MARCHF3: variants seen among roughly 807,000 people sequenced by gnomAD.
MARCHF3 encodes the protein E3 ubiquitin-protein ligase MARCHF3.
A neutral mutation model predicts 24.2 loss-of-function variants in MARCHF3; 13 were observed. The observed-to-expected ratio is 0.54, with a 90% CI of 0.35 to 0.85. The LOEUF is 0.85. Ranked by LOEUF, MARCHF3 falls within the 40% of genes least tolerant of loss-of-function variation. MARCHF3 has a pLI of 0.01. For synonymous variants in MARCHF3, 144 were observed against 137.3 expected (o/e 1.05, Z -0.34); for missense variants, 276 against 325.0 (o/e 0.85, Z 1.16).
At chr5:126,967,200 A>ATTGATTGGT (rs1423792537) in intron 1 of MARCHF3, among the ~76,000 whole-genome samples, 1 of 151,956 alleles carries the variant, frequency 6.6e-6, no homozygotes, top group Non-Finnish European at 1.5e-5. Context: ...CAATCCAGCA[A>ATTGATTGGT]TTGATTGGTT....
In MARCHF3 at chr5:126,895,761, TTTTG is replaced by T. The variant is rs535137538; in HGVS notation, c.394-17371_394-17368del. Among the ~76,000 whole-genome samples, 186 of 152,222 alleles carry T rather than the reference TTTTG, an allele frequency of 1.2e-3. 2 individuals are homozygous for T. The highest frequency in any genetic ancestry group is 4.2e-3 in the African/African-American group (176 of 41,510). Reference sequence around the variant, plus strand: ...AAGTCTGCAGAGGTTACTGCTGTCTTTTTGTTTGTCTGTGCACTGCCCCCAGAGG... The same window carrying T: ...AAGTCTGCAGAGGTTACTGCTGTCTTTTTGTCTGTGCACTGCCCCCAGAGG... On this transcript the variant is annotated intron_variant, in intron 3 of 4. Coordinates refer to ENST00000308660, the MANE Select transcript of MARCHF3 (RefSeq NM_178450.5).
intron 1 of MARCHF3, among the ~76,000 whole-genome samples, chr5:126,991,151 AT>A (rs1561462766): frequency 6.6e-6 from 1 of 152,206 alleles, no homozygotes; most frequent in East Asian, 1.9e-4. Context: ...ACCAACCCAA[AT>A]GTCCATCAAT....
Position 126,872,268 on chromosome 5 carries a change from C to T in MARCHF3, c.604-1477G>A, listed in dbSNP as rs999542134. ...AGAGACAGGGTTTCTCCATGTTGGT[C>T]AGGCTGGTCTCGAACTCCCGACCTT... On this transcript the variant is annotated intron_variant, in intron 4 of 4. Coordinates refer to ENST00000308660, the MANE Select transcript of MARCHF3 (RefSeq NM_178450.5). Among the ~76,000 whole-genome samples the T allele has an allele frequency of 2.6e-5, 4 of 151,764 alleles. No homozygotes were observed. The East Asian group carries it at 7.7e-4, about 29-fold the overall frequency.
At chr5:127,027,232 A>G (rs1205959634) in intron 1 of MARCHF3, among the ~76,000 whole-genome samples, 1 of 152,218 alleles carries the variant, frequency 6.6e-6, no homozygotes, top group Non-Finnish European at 1.5e-5. Flanking sequence ...TTAATTGGGC[A>G]GCTCAAAATA....
intron 4 of MARCHF3, among the ~76,000 whole-genome samples, chr5:126,872,582 G>A (rs893800574): frequency 5.9e-5 from 9 of 152,024 alleles, no homozygotes; most frequent in Non-Finnish European, 1.3e-4. Flanking sequence ...TCCCACTAAA[G>A]GTCTATGGTG....
At chr5:126,975,047 C>T (rs1202831946) in intron 1 of MARCHF3, among the ~76,000 whole-genome samples, 1 of 152,212 alleles carries the variant, frequency 6.6e-6, no homozygotes, top group Non-Finnish European at 1.5e-5. Flanking sequence ...ACCTCCGCCT[C>T]CCAGGTTCAA....
At chr5:126,941,793 C>T (rs1749838577) in intron 1 of MARCHF3, among the ~76,000 whole-genome samples, 1 of 152,174 alleles carries the variant, frequency 6.6e-6, no homozygotes, top group Non-Finnish European at 1.5e-5. Context: ...TTGTTTCCAT[C>T]CAAACACTTG....
At chr5:126,925,105 G>A (rs541669696) in intron 1 of MARCHF3, among the ~76,000 whole-genome samples, 223 of 152,252 alleles carry the variant, frequency 1.5e-3, no homozygotes, top group Non-Finnish European at 2.9e-3. Context: ...TCATTGTCAC[G>A]CTTACAGGGC....
intron 4 of MARCHF3, among the ~76,000 whole-genome samples, chr5:126,875,680 G>T (rs1314847283): frequency 6.6e-6 from 1 of 151,888 alleles, no homozygotes; most frequent in East Asian, 2.0e-4. Context: ...ACCAGTCAAA[G>T]GGGGAGAGAT....
chr5:126,980,923 G>C (rs956731300), intron 1 of MARCHF3, among the ~76,000 whole-genome samples: 4 of 152,214 alleles, frequency 2.6e-5, no homozygotes, highest in Non-Finnish European at 5.9e-5. Context: ...TAGACTATCT[G>C]TGGATTTCCA....
At chr5:127,030,307 A>T (rs1753140752) in intron 1 of MARCHF3, 43 bp downstream of exon 1, 1 of 152,166 alleles carries the variant, frequency 6.6e-6, no homozygotes, top group African/African-American at 2.4e-5. Context: ...CCGCCGCCGA[A>T]CCGCGCCGAG....
chr5:126,889,333 T>G (rs1354989108), intron 3 of MARCHF3, among the ~76,000 whole-genome samples: 2 of 151,938 alleles, frequency 1.3e-5, no homozygotes, highest in African/African-American at 2.4e-5. Context: ...ATAACATGAA[T>G]ATGAACAATA....
rs539690447 is a variant in MARCHF3 at position 126,951,881 on chromosome 5, T to G, written c.-56-33654A>C. Among the ~76,000 whole-genome samples, 235 of 152,272 alleles carry G rather than the reference T, an allele frequency of 1.5e-3. 2 individuals carry two copies. The highest frequency in any genetic ancestry group is 2.2e-3 in the Admixed American group (34 of 15,296). On this transcript the variant is annotated intron_variant, in intron 1 of 4. Coordinates refer to ENST00000308660, the MANE Select transcript of MARCHF3 (RefSeq NM_178450.5). Reference sequence around the variant, plus strand: ...TTTTTTTTGAGACAGAGTTTCACTTTTGTTGCCCAGGCTGGAGTGCAATGG... The same window carrying G: ...TTTTTTTTGAGACAGAGTTTCACTTGTGTTGCCCAGGCTGGAGTGCAATGG...
chr5:126,911,275 C>T lies in MARCHF3; in HGVS notation c.393+3655G>A, dbSNP rs964306045. Among the ~76,000 whole-genome samples the T allele has an allele frequency of 5.9e-5, 9 of 152,240 alleles. 1 individual carries two copies. Among genetic ancestry groups the T allele is most frequent in the South Asian group, 2.1e-4 (1 of 4,816 alleles). On this transcript the variant is annotated intron_variant, in intron 3 of 4. Transcript: ENST00000308660. ...TGATCTCTGTGACCCACACCCTTTT[C>T]GTAGACTCCCTCCCCTTTTGAAAAT...
At chr5:126,997,430 G>A (rs1490126724) in intron 1 of MARCHF3, among the ~76,000 whole-genome samples, 1 of 152,152 alleles carries the variant, frequency 6.6e-6, no homozygotes, top group Non-Finnish European at 1.5e-5. Flanking sequence ...GCTTTTCAAC[G>A]GACATGGAAG....
intron 1 of MARCHF3, among the ~76,000 whole-genome samples, chr5:126,956,782 C>T (rs1750463494): frequency 6.6e-6 from 1 of 151,958 alleles, no homozygotes; most frequent in Non-Finnish European, 1.5e-5. Flanking sequence ...TAATGCCTTC[C>T]TCACTAAAAG....
At chr5:126,943,973 G>A (rs751252075) in intron 1 of MARCHF3, among the ~76,000 whole-genome samples, 72 of 152,034 alleles carry the variant, frequency 4.7e-4, no homozygotes, top group Admixed American at 9.2e-4. Context: ...ATCACGCCCA[G>A]CTAATTTTTT....
chr5:126,903,596 A>G (rs975390776), intron 3 of MARCHF3, among the ~76,000 whole-genome samples: 2 of 152,040 alleles, frequency 1.3e-5, no homozygotes, highest in Non-Finnish European at 2.9e-5. Context: ...ATCCATTATA[A>G]TAACAGTCCA....
intron 3 of MARCHF3, among the ~76,000 whole-genome samples, chr5:126,912,994 C>T (rs1002562839): frequency 1.3e-5 from 2 of 152,180 alleles, no homozygotes; most frequent in African/African-American, 4.8e-5. Context: ...AGGTCATTTG[C>T]CTTGTTTCCT....
Sources: allele counts gnomAD v4.1 joint callset (sites outside exome capture counted in the v4.1 genomes callset), GRCh38; gene constraint gnomAD v4.1.1; transcripts MANE v1.5; gene names NCBI Gene and HGNC (gene_info 2026-07-23, HGNC 2026-07-21).